Variants in PLD5 observed in about 807,000 individuals in gnomAD.
PLD5 encodes inactive phospholipase D5.
In PLD5, 36 loss-of-function variants were observed where a neutral mutation model predicts 61.1. The observed-to-expected ratio is 0.59, with a 90% CI of 0.45 to 0.78. The LOEUF is 0.78. Ranked by LOEUF, PLD5 falls within the 30% of genes least tolerant of loss-of-function variation. The pLI is 0.00. For synonymous variants in PLD5, 243 were observed against 242.8 expected (o/e 1.00, Z -0.01); for missense variants, 515 against 644.4 (o/e 0.80, Z 2.17).
chr1:242,391,878 CA>C (rs1662954690), intron 1 of PLD5, among the ~76,000 whole-genome samples: 1 of 152,134 alleles, frequency 6.6e-6, no homozygotes, highest in South Asian at 2.1e-4. Context: ...AAAACAGAAC[CA>C]CCATTTGACT....
intron 1 of PLD5, among the ~76,000 whole-genome samples, chr1:242,399,763 C>A (rs1250947151): frequency 6.6e-6 from 1 of 152,182 alleles, no homozygotes; most frequent in African/African-American, 2.4e-5. Flanking sequence ...GGCCAGCCAG[C>A]ATCACCTCCT....
chr1:242,141,429 C>T (rs1553307978), intron 5 of PLD5, among the ~76,000 whole-genome samples: 1 of 152,116 alleles, frequency 6.6e-6, no homozygotes. Flanking sequence ...ACTGAAACTC[C>T]TCTATCATTG....
In PLD5 at chr1:242,348,340, T is replaced by C. The variant is rs979027329; in HGVS notation, c.190-98A>G. 3 of 1,329,728 alleles carry C rather than the reference T, an allele frequency of 2.3e-6. No individual in the cohort carries two copies. The African/African-American group carries it at 4.4e-5, about 20-fold the overall frequency. 82.4% of individuals were successfully genotyped at this position (1,329,728 alleles called of 1,614,324 possible). On this transcript the variant is annotated intron_variant, in intron 1 of 9. Coordinates refer to ENST00000536534, the MANE Select transcript of PLD5 (RefSeq NM_001372062.1). ...TTCTCAACATTCCATGAAAAATGGG[T>C]GGGGATACGATTATCACTGCCTAGA... is the stretch of plus-strand genomic sequence containing the variant.
intron 4 of PLD5, among the ~76,000 whole-genome samples, chr1:242,239,948 A>T (rs962847994): frequency 1.3e-5 from 2 of 151,604 alleles, no homozygotes; most frequent in Non-Finnish European, 2.9e-5. Context: ...AGTTAGCTGC[A>T]TGCAGCTTCT....
intron 5 of PLD5, among the ~76,000 whole-genome samples, chr1:242,133,041 C>G (rs1029465636): frequency 5.9e-5 from 9 of 151,266 alleles, no homozygotes; most frequent in African/African-American, 1.2e-4. Flanking sequence ...CCCCGCACAC[C>G]GCCCACACCC....
At chr1:242,278,766 C>T (rs980607490) in intron 3 of PLD5, among the ~76,000 whole-genome samples, 1 of 152,240 alleles carries the variant, frequency 6.6e-6, no homozygotes, top group African/African-American at 2.4e-5. Context: ...GCAAATAGCA[C>T]AGCACCTTGA....
intron 5 of PLD5, among the ~76,000 whole-genome samples, chr1:242,141,180 C>T (rs577443058): frequency 6.6e-5 from 10 of 152,248 alleles, no homozygotes; most frequent in Admixed American, 2.0e-4. Flanking sequence ...GATCTGAAGA[C>T]GCAACACAGC....
intron 1 of PLD5, among the ~76,000 whole-genome samples, chr1:242,463,415 C>T (rs1002871704): frequency 5.3e-5 from 8 of 152,182 alleles, no homozygotes; most frequent in African/African-American, 1.4e-4. Flanking sequence ...CATGCTGCAT[C>T]GCAAGCGGAC....
At chr1:242,278,242 T>G (rs929294090) in intron 3 of PLD5, among the ~76,000 whole-genome samples, 3 of 151,766 alleles carry the variant, frequency 2.0e-5, no homozygotes, top group South Asian at 2.1e-4. Flanking sequence ...AAAACACAAA[T>G]GAAGATACAG....
chr1:242,391,227 G>C, intron 1 of PLD5, among the ~76,000 whole-genome samples: 1 of 152,126 alleles, frequency 6.6e-6, no homozygotes, highest in Non-Finnish European at 1.5e-5. Flanking sequence ...TCCTGTTGTA[G>C]TATTTCTGTC....
intron 1 of PLD5, among the ~76,000 whole-genome samples, chr1:242,481,259 G>A (rs1012692810): frequency 6.6e-6 from 1 of 152,192 alleles, no homozygotes; most frequent in Non-Finnish European, 1.5e-5. Flanking sequence ...AGCAGGGCGA[G>A]GCATCACCTC....
chr1:242,265,968 A>G (rs1247674910), intron 3 of PLD5, among the ~76,000 whole-genome samples: 1 of 152,264 alleles, frequency 6.6e-6, no homozygotes, highest in Admixed American at 6.5e-5. Flanking sequence ...GTTAAGAGGG[A>G]AATTATGGTT....
intron 6 of PLD5, among the ~76,000 whole-genome samples, chr1:242,121,598 C>T (rs1221520004): frequency 2.0e-5 from 3 of 152,144 alleles, no homozygotes; most frequent in African/African-American, 4.8e-5. Context: ...TGGGTATATA[C>T]CCAAAGGATT....
chr1:242,316,078 G>C (rs1048180536), intron 2 of PLD5, among the ~76,000 whole-genome samples: 1 of 152,128 alleles, frequency 6.6e-6, no homozygotes, highest in African/African-American at 2.4e-5. Context: ...GAAAAAGGAG[G>C]GGAAATTGTA....
At chr1:242,328,351 G>A (rs116804323) in intron 2 of PLD5, among the ~76,000 whole-genome samples, 6 of 151,680 alleles carry the variant, frequency 4.0e-5, no homozygotes, top group African/African-American at 9.7e-5. Flanking sequence ...TGTTCTACAT[G>A]TGTGTTCTAC....
intron 4 of PLD5, among the ~76,000 whole-genome samples, chr1:242,241,194 C>T (rs1001524772): frequency 6.6e-6 from 1 of 152,152 alleles, no homozygotes; most frequent in African/African-American, 2.4e-5. Context: ...CCCACAAGCA[C>T]TGCCTGTAGT....
intron 5 of PLD5, among the ~76,000 whole-genome samples, chr1:242,190,557 G>A (rs1668201879): frequency 6.6e-6 from 1 of 151,922 alleles, no homozygotes; most frequent in Non-Finnish European, 1.5e-5. Context: ...TTCAACATAT[G>A]GGCCCTCGAT....
chr1:242,268,193 T>C (rs982805754), intron 3 of PLD5, among the ~76,000 whole-genome samples: 2 of 152,130 alleles, frequency 1.3e-5, no homozygotes, highest in Admixed American at 6.5e-5. Context: ...TCTTACTCCA[T>C]TGAAGGTTTG....
intron 6 of PLD5, among the ~76,000 whole-genome samples, chr1:242,120,001 A>G (rs1662242100): frequency 6.6e-6 from 1 of 152,208 alleles, no homozygotes; most frequent in Non-Finnish European, 1.5e-5. Flanking sequence ...AAAAAGAATA[A>G]AGGCAGTATT....
Sources: gnomAD v4.1 joint callset for allele counts (sites outside exome capture counted in the v4.1 genomes callset) on GRCh38, gnomAD v4.1.1 for gene constraint, MANE v1.5 for transcripts, NCBI Gene and HGNC (gene_info 2026-07-23, HGNC 2026-07-21) for gene names.